ADAMTSL1: variants seen among roughly 807,000 people sequenced by gnomAD.
ADAMTSL1 encodes ADAMTS like 1.
ADAMTSL1 carries 126 observed loss-of-function variants against 201.8 expected under a neutral mutation model. That is an observed-to-expected ratio of 0.62 (90% CI 0.54 to 0.72). The LOEUF (loss-of-function observed/expected upper bound fraction) is 0.72. Ranked by LOEUF, ADAMTSL1 falls within the 30% of genes least tolerant of loss-of-function variation. The pLI is 0.00. For synonymous variants in ADAMTSL1, 1,121 were observed against 903.4 expected (o/e 1.24, Z -4.32); for missense variants, 2,679 against 2,277.8 (o/e 1.18, Z -3.59).
rs375355190 is a variant in ADAMTSL1 at position 18,146,095 on chromosome 9, A to G, written c.88-17767A>G. On this transcript the variant is annotated intron_variant, in intron 1 of 29. Coordinates refer to the ADAMTSL1 transcript ENST00000680146. The stretch of plus-strand genomic sequence containing the variant: ...TAGTCAATATTAATTGTTGAGAAGG[A>G]TACAAAGCAACACATTCTCATTCAT... 9.8e-5 allele frequency among the ~76,000 whole-genome samples: 15 copies of G among 152,300 alleles called. No homozygotes were observed. The East Asian group carries it at 2.1e-3, about 22-fold the overall frequency.
At chr9:17,953,175 G>A (rs931690499) in intron 1 of ADAMTSL1, among the ~76,000 whole-genome samples, 4 of 152,036 alleles carry the variant, frequency 2.6e-5, no homozygotes, top group Non-Finnish European at 5.9e-5. Context: ...TACTGCTGCT[G>A]TTGATGCTCA....
intron 2 of ADAMTSL1, among the ~76,000 whole-genome samples, chr9:18,362,650 C>T (rs1836581607): frequency 6.6e-6 from 1 of 152,170 alleles, no homozygotes; most frequent in Non-Finnish European, 1.5e-5. Flanking sequence ...AAATGTCATG[C>T]ATTTTCTAGG....
At chr9:18,448,788 G>A (rs750758863) in intron 2 of ADAMTSL1, among the ~76,000 whole-genome samples, 3 of 152,100 alleles carry the variant, frequency 2.0e-5, no homozygotes, top group African/African-American at 7.2e-5. Context: ...AAGTATGGCT[G>A]CCCAGGTATA....
intron 1 of ADAMTSL1, among the ~76,000 whole-genome samples, chr9:17,992,292 G>C (rs887046600): frequency 4.6e-5 from 7 of 152,110 alleles, no homozygotes; most frequent in African/African-American, 1.7e-4. Flanking sequence ...ATCTGCAGCT[G>C]GTGCATTACC....
intron 1 of ADAMTSL1, among the ~76,000 whole-genome samples, chr9:18,099,587 C>A (rs1036082074): frequency 6.7e-6 from 1 of 148,182 alleles, no homozygotes; most frequent in Non-Finnish European, 1.5e-5. Context: ...AATATTTGTC[C>A]CTTTCTCTTG....
chr9:18,650,554 A>G (rs896707177), intron 7 of ADAMTSL1, among the ~76,000 whole-genome samples: 1 of 152,110 alleles, frequency 6.6e-6, no homozygotes, highest in African/African-American at 2.4e-5. Flanking sequence ...CCTCCATGGA[A>G]TTTTATTGCC....
intron 1 of ADAMTSL1, among the ~76,000 whole-genome samples, chr9:18,143,170 G>A (rs1345907752): frequency 6.6e-6 from 1 of 152,162 alleles, no homozygotes; most frequent in Non-Finnish European, 1.5e-5. Context: ...TGCCATCTAG[G>A]AAAGTGGAGC....
intron 4 of ADAMTSL1, among the ~76,000 whole-genome samples, chr9:18,598,002 G>A (rs1283119053): frequency 1.3e-5 from 2 of 152,104 alleles, no homozygotes; most frequent in Non-Finnish European, 2.9e-5. Flanking sequence ...AATCAAGAAG[G>A]AACAAAGTGT....
At chr9:18,473,442 T>G (rs1206646412), upstream of ADAMTSL1, among the ~76,000 whole-genome samples, 5 of 152,316 alleles carry the variant, frequency 3.3e-5, no homozygotes, top group African/African-American at 9.6e-5. Flanking sequence ...TTAAATGCCT[T>G]CAATTGTCAC....
chr9:18,557,679 TAC>T (rs1241628564), intron 3 of ADAMTSL1, among the ~76,000 whole-genome samples: 4 of 152,022 alleles, frequency 2.6e-5, no homozygotes, highest in Non-Finnish European at 5.9e-5. Context: ...AGAGAAATGC[TAC>T]AGTCTTCTAC....
intron 1 of ADAMTSL1, among the ~76,000 whole-genome samples, chr9:18,130,893 T>C (rs1186796580): frequency 3.9e-5 from 6 of 152,126 alleles, no homozygotes; most frequent in African/African-American, 1.2e-4. Flanking sequence ...CATCATCAAC[T>C]TTTCTGGACT....
chr9:18,605,920 G>A (rs1824982304), intron 4 of ADAMTSL1, among the ~76,000 whole-genome samples: 1 of 152,306 alleles, frequency 6.6e-6, no homozygotes, highest in Admixed American at 6.5e-5. Context: ...TGCTACTTGT[G>A]TGAACTGTGT....
intron 2 of ADAMTSL1, among the ~76,000 whole-genome samples, chr9:18,454,647 C>T (rs905438304): frequency 6.6e-6 from 1 of 152,164 alleles, no homozygotes; most frequent in Non-Finnish European, 1.5e-5. Flanking sequence ...TTCCAGAAAA[C>T]AGAGTTCCAA....
At chr9:18,308,387 A>C (rs1277860778) in intron 2 of ADAMTSL1, among the ~76,000 whole-genome samples, 1 of 152,200 alleles carries the variant, frequency 6.6e-6, no homozygotes, top group African/African-American at 2.4e-5. Context: ...ACCCTTCAAA[A>C]AATCAATGAA....
At chr9:18,425,705 A>T (rs951994706) in intron 2 of ADAMTSL1, among the ~76,000 whole-genome samples, 1 of 151,988 alleles carries the variant, frequency 6.6e-6, no homozygotes, top group African/African-American at 2.4e-5. Flanking sequence ...GTTTAAAAAA[A>T]AAATAGCTGA....
rs1438771489 is a variant in ADAMTSL1 at position 18,717,160 on chromosome 9, C to A, written c.1877-4376C>A. Reference sequence around the variant, plus strand: ...AGATGACAAGTTAGTGGGTACAGCGCACCAGCATGGCACATGTATACCTAT... The same window carrying A: ...AGATGACAAGTTAGTGGGTACAGCGAACCAGCATGGCACATGTATACCTAT... On this transcript the variant is annotated intron_variant, in intron 14 of 28. Transcript: ENST00000380548. Among the ~76,000 whole-genome samples the A allele has an allele frequency of 8.0e-5, 12 of 150,372 alleles. No homozygotes were observed. In the East Asian group the frequency reaches 9.7e-4, roughly 12 times the overall value.
chr9:18,409,578 T>G (rs1401422349), intron 2 of ADAMTSL1, among the ~76,000 whole-genome samples: 1 of 151,356 alleles, frequency 6.6e-6, no homozygotes, highest in Non-Finnish European at 1.5e-5. Flanking sequence ...TATACAGGGT[T>G]AAAATTTTTG....
At chr9:18,418,477 C>T (rs1482078880) in intron 2 of ADAMTSL1, among the ~76,000 whole-genome samples, 1 of 152,128 alleles carries the variant, frequency 6.6e-6, no homozygotes, top group Non-Finnish European at 1.5e-5. Context: ...CCCAAGGAAT[C>T]TACCAAAAAC....
At chr9:18,132,194 A>G (rs2131969223) in intron 1 of ADAMTSL1, among the ~76,000 whole-genome samples, 1 of 152,230 alleles carries the variant, frequency 6.6e-6, no homozygotes, top group East Asian at 1.9e-4. Flanking sequence ...GTCCCCGGGG[A>G]AAAAAGGCCT....
Sources: allele counts gnomAD v4.1 joint callset (sites outside exome capture counted in the v4.1 genomes callset), GRCh38; gene constraint gnomAD v4.1.1; transcripts MANE v1.5; gene names NCBI Gene and HGNC (gene_info 2026-07-23, HGNC 2026-07-21).